The following KCTD19 variants were observed in gnomAD, a reference collection of about 807,000 sequenced individuals.
KCTD19 encodes BTB/POZ domain-containing protein KCTD19.
In KCTD19, 67 loss-of-function variants were observed where a neutral mutation model predicts 103.5. The ratio of observed to expected loss-of-function variants is 0.65; its 90% CI spans 0.53 to 0.79. The LOEUF (loss-of-function observed/expected upper bound fraction) is 0.79, where lower values mean the gene tolerates loss of function less well. Ranked by LOEUF, KCTD19 falls within the 30% of genes least tolerant of loss-of-function variation. KCTD19 has a pLI of 0.00. For missense variants in KCTD19, 980 were observed against 1,136.1 expected (o/e 0.86, Z 1.98); for synonymous variants, 439 against 452.2 (o/e 0.97, Z 0.37).
At chr16:67,311,583 G>A (rs182843929) in intron 2 of KCTD19, among the ~76,000 whole-genome samples, 91 of 152,114 alleles carry the variant, frequency 6.0e-4, no homozygotes, top group African/African-American at 2.0e-3. Context: ...TTACAGGCGC[G>A]AGCCACCGTC....
At chr16:67,305,501 G>A (rs1191439856) in intron 2 of KCTD19, 3 of 407,488 alleles carry the variant, frequency 7.4e-6, no homozygotes, top group Non-Finnish European at 1.5e-5. Flanking sequence ...GAAGGATCAG[G>A]CGACCAGAGG....
chr16:67,317,088 G>T (rs2037020416), intron 2 of KCTD19, among the ~76,000 whole-genome samples: 1 of 152,172 alleles, frequency 6.6e-6, no homozygotes, highest in Non-Finnish European at 1.5e-5. Context: ...GAATCTGAAG[G>T]ACTCTATGGT....
At chr16:67,298,910 A>AGCCTGGCCTG (rs199700238) in intron 6 of KCTD19, among the ~76,000 whole-genome samples, 4,360 of 152,284 alleles carry the variant, frequency 0.029, 77 homozygotes, top group Middle Eastern at 0.12. Flanking sequence ...ACCTCTGGGA[A>AGCCTGGCCTG]GCCTGGCCTG....
chr16:67,298,004 C>CT (rs2036787439), intron 6 of KCTD19, among the ~76,000 whole-genome samples: 1 of 89,854 alleles, frequency 1.1e-5, no homozygotes, highest in African/African-American at 4.3e-5. Context: ...TTTTTTTTTT[C>CT]TTTTTTTGAG....
At chr16:67,319,694 A>T (rs1322307830) in intron 2 of KCTD19, among the ~76,000 whole-genome samples, 1 of 150,306 alleles carries the variant, frequency 6.7e-6, no homozygotes, top group African/African-American at 2.4e-5. Flanking sequence ...CTCTTATAAT[A>T]ATAATAATAA....
chr16:67,307,312 C>G (rs979579331), intron 2 of KCTD19, among the ~76,000 whole-genome samples: 3 of 149,200 alleles, frequency 2.0e-5, no homozygotes, highest in African/African-American at 7.6e-5. Context: ...CAACACCCTG[C>G]TAATTTTTTT....
At chr16:67,299,150 T>G (rs2036802849) in intron 6 of KCTD19, among the ~76,000 whole-genome samples, 1 of 152,260 alleles carries the variant, frequency 6.6e-6, no homozygotes, top group South Asian at 2.1e-4. Flanking sequence ...CCTTTGAACC[T>G]TGGCAACCCT....
At position 67,303,110 on chromosome 16, in the gene KCTD19, GCCCGCCCCCCACCCCACCCC is replaced by G; in HGVS notation, c.643+16_643+35del. ...GGGGAGGGGTGAATGGGCCCTATCA[GCCCGCCCCCCACCCCACCCC>G]GGACAGAGCAATCACCAATGAAGCG... On this transcript the variant is annotated intron_variant, in intron 4 of 15. Coordinates refer to ENST00000304372, the MANE Select transcript of KCTD19 (RefSeq NM_001100915.3). This position sits in a 1 kb window ranked among gnomAD's most constrained non-coding sequence, Gnocchi z 4.3. 1.1e-6 allele frequency: 1 copy of G among 947,044 alleles called. No individual in the cohort carries two copies. 58.7% of individuals were successfully genotyped at this position (947,044 alleles called of 1,614,324 possible).
In KCTD19 at chr16:67,293,943, T is replaced by A. The variant is rs200635073; in HGVS notation, c.1819A>T (p.Ser607Cys). ...GTGGTGCATTTCTTCTTTGGGGGGC[T>A]CTCAGGGTGGCTCCCCCAGTGTCCA... ...NPGHWGSHPE[S>C]PPKKKCTTIN... The change falls in exon 12 of 16, where the codon AGC becomes TGC. Residue 607 changes from serine (S) to cysteine (C), a missense_variant. Transcript: ENST00000304372. This position sits in a 1 kb window ranked among gnomAD's most constrained non-coding sequence, Gnocchi z 4.0. The A allele has an allele frequency of 6.2e-7, 1 of 1,614,072 alleles. No homozygotes were observed. The highest frequency in any genetic ancestry group is 2.2e-5 in the East Asian group (1 of 44,862).
At position 67,293,920 on chromosome 16, in the gene KCTD19, G is replaced by C; in HGVS notation, c.1842C>G (p.Thr614=). 1 of 1,614,124 alleles carries C rather than the reference G, an allele frequency of 6.2e-7. No individual in the cohort carries two copies. Among genetic ancestry groups the C allele is most frequent in the Admixed American group, 1.7e-5 (1 of 60,012 alleles). The part of the protein sequence containing the change: ...HPESPPKKKC[T]TINLTQKSET... ...CAGATTTCTGTGTGAGGTTGATTGT[G>C]GTGCATTTCTTCTTTGGGGGGCTCT... Residue 614 remains threonine (T), a synonymous_variant, in exon 12 of 16, where the codon ACC becomes ACG. Coordinates refer to ENST00000304372, the MANE Select transcript of KCTD19 (RefSeq NM_001100915.3). This position sits in a 1 kb window ranked among gnomAD's most constrained non-coding sequence, Gnocchi z 4.0.
chr16:67,314,087 C>A (rs1279595906), intron 2 of KCTD19, among the ~76,000 whole-genome samples: 1 of 151,512 alleles, frequency 6.6e-6, no homozygotes, highest in Non-Finnish European at 1.5e-5. Flanking sequence ...CAACTCCTGG[C>A]CTCAGGTGAT....
chr16:67,311,078 T>C (rs1295228199), intron 2 of KCTD19, among the ~76,000 whole-genome samples: 1 of 152,216 alleles, frequency 6.6e-6, no homozygotes, highest in African/African-American at 2.4e-5. Flanking sequence ...TTGTTAAGCA[T>C]GTGCAAATGC....
At chr16:67,326,592 T>C in intron 1 of KCTD19, 113 bp downstream of exon 1, 5 of 1,433,092 alleles carry the variant, frequency 3.5e-6, no homozygotes, top group Non-Finnish European at 4.7e-6. Context: ...CCCCTCGCTC[T>C]CTCCCATGCC....
intron 1 of KCTD19, chr16:67,321,531 T>A (rs754801126): frequency 1.3e-4 from 20 of 152,164 alleles, no homozygotes; most frequent in Admixed American, 2.6e-4. Flanking sequence ...TCTGTGAAAA[T>A]CCTGACTTTT....
chr16:67,321,218 A>G (rs570346093), intron 1 of KCTD19, among the ~76,000 whole-genome samples: 1 of 152,346 alleles, frequency 6.6e-6, no homozygotes, highest in African/African-American at 2.4e-5. Context: ...AAATGAGCCC[A>G]ACAAGGTTGA....
In KCTD19 at chr16:67,300,907, A is replaced by T. The variant is rs921850220; in HGVS notation, c.775+884T>A. 2 of 152,228 alleles carry T rather than the reference A, an allele frequency of 1.3e-5. No homozygotes were observed. The highest frequency in any genetic ancestry group is 6.5e-5 in the Admixed American group (1 of 15,280). The allele number at this position is 152,228 out of a possible 1,614,324, so 9.4% of individuals were successfully genotyped here. ...GAGCCACTTGCGTTGGCCTCTCAAA[A>T]TGCTGAGATTACAGGCATCAGCCAC... On this transcript the variant is annotated intron_variant, in intron 5 of 15. Transcript: ENST00000304372. This position sits in a 1 kb window ranked among gnomAD's most constrained non-coding sequence, Gnocchi z 4.5.
chr16:67,308,559 C>T (rs1184678227), intron 2 of KCTD19, among the ~76,000 whole-genome samples: 1 of 152,142 alleles, frequency 6.6e-6, no homozygotes, highest in African/African-American at 2.4e-5. Context: ...AAACACATCA[C>T]GTTCTTTGAC....
In KCTD19 at chr16:67,294,040, G is replaced by A. The variant is rs1164940772; in HGVS notation, c.1722C>T (p.Ser574=). The change falls in exon 12 of 16, where the codon TCC becomes TCT. Residue 574 remains serine (S), a synonymous_variant. Coordinates refer to ENST00000304372, the MANE Select transcript of KCTD19 (RefSeq NM_001100915.3). ...CAGCCCTCTTGGCATTTCGGCATAG[G>A]GACACCTGGATGGGCCGAGTGTACT... ...AEQYTRPIQV[S]LCRNAKRAGN... 1 of 1,614,070 alleles carries A rather than the reference G, an allele frequency of 6.2e-7. No individual in the cohort carries two copies. Among genetic ancestry groups the A allele is most frequent in the Non-Finnish European group, 8.5e-7 (1 of 1,180,054 alleles).
At chr16:67,321,551 T>C (rs2037072692) in intron 1 of KCTD19, 1 of 152,140 alleles carries the variant, frequency 6.6e-6, no homozygotes, top group Admixed American at 6.5e-5. Flanking sequence ...TTGCAAAAAT[T>C]GAAAAACTGA....
Sources: allele counts gnomAD v4.1 joint callset (sites outside exome capture counted in the v4.1 genomes callset), GRCh38; gene constraint gnomAD v4.1.1; non-coding constraint Gnocchi (gnomAD v3.1); transcripts MANE v1.5; gene names NCBI Gene and HGNC (gene_info 2026-07-23, HGNC 2026-07-21).